The following EPB41L1 variants were observed in gnomAD, a reference collection of about 807,000 sequenced individuals.
The protein encoded by EPB41L1 is band 4.1-like protein 1.
EPB41L1 carries 29 observed loss-of-function variants against 97.8 expected under a neutral mutation model. That is an observed-to-expected ratio of 0.30 (90% CI 0.22 to 0.40). EPB41L1 has a LOEUF of 0.40. EPB41L1 is among the 10% of genes least tolerant of loss of function. The pLI, the probability that EPB41L1 is intolerant of heterozygous loss-of-function variation, is 1.00. For missense variants in EPB41L1, 812 were observed against 1,162.3 expected, an observed-to-expected ratio of 0.70 and a Z score of 4.38; for synonymous variants, 383 against 459.2, an observed-to-expected ratio of 0.83 and a Z score of 2.12.
intron 5 of EPB41L1, 102 bp from the exon 6 acceptor site, chr20:36,182,170 T>A (rs556313282): frequency 5.0e-6 from 5 of 990,688 alleles, no homozygotes; most frequent in Admixed American, 1.8e-5. Flanking sequence ...GTCCTGAGAT[T>A]ATACATAGGA....
chr20:36,110,885 A>T (rs1243283406), intron 1 of EPB41L1: 1 of 152,220 alleles, frequency 6.6e-6, no homozygotes, highest in Non-Finnish European at 1.5e-5. Flanking sequence ...GAAAAGCAGG[A>T]ACGGGAATGG....
Position 36,207,115 on chromosome 20 carries a change from C to T in EPB41L1, c.1669-2373C>T. The T allele has an allele frequency of 7.8e-7, 1 of 1,289,426 alleles. No individual in the cohort carries two copies. Among genetic ancestry groups the T allele is most frequent in the Non-Finnish European group, 1.0e-6 (1 of 988,540 alleles). 79.9% of individuals were successfully genotyped at this position (1,289,426 alleles called of 1,614,324 possible). A position where few individuals can be genotyped will look rare whatever the true frequency, so the allele number is the denominator to read the frequency against. ...AGCCTCCCCTGGTCATTCTGAGGAC[C>T]TGGCAGCTCTGGAGGAAGCTTCTCC... On this transcript the variant is annotated intron_variant, in intron 14 of 21. Coordinates refer to ENST00000338074, the MANE Select transcript of EPB41L1 (RefSeq NM_012156.2). The surrounding 1 kb of genome is among the most constrained non-coding windows in gnomAD (Gnocchi z 4.9).
chr20:36,098,918 T>C (rs2057920008), intron 1 of EPB41L1, among the ~76,000 whole-genome samples: 1 of 152,168 alleles, frequency 6.6e-6, no homozygotes, highest in Non-Finnish European at 1.5e-5. Flanking sequence ...CAGATTTGTA[T>C]TTCAAATTTG....
intron 2 of EPB41L1, among the ~76,000 whole-genome samples, chr20:36,126,368 T>C (rs1367467005): frequency 1.3e-5 from 2 of 151,550 alleles, no homozygotes; most frequent in Non-Finnish European, 2.9e-5. Context: ...GTGGAATTTT[T>C]TTTTTTTTTT....
chr20:36,130,212 G>T (rs1426738354), intron 2 of EPB41L1, among the ~76,000 whole-genome samples: 1 of 151,794 alleles, frequency 6.6e-6, no homozygotes, highest in Admixed American at 6.6e-5. Context: ...AAAATGCTGG[G>T]ATTACAGGCA....
rs75532537 is a variant in EPB41L1 at position 36,100,768 on chromosome 20, A to C, written c.-65+9156A>C. Among the ~76,000 whole-genome samples the C allele has an allele frequency of 3.3e-5, 5 of 152,240 alleles. No individual in the cohort carries two copies. The East Asian group carries it at 9.7e-4, about 29-fold the overall frequency. ...TTTAGGTGTCCACAGAGGGGCATGCATTTGCTCAAATTCAGAGAACAAATT... is the reference window on the plus strand; with the variant it reads ...TTTAGGTGTCCACAGAGGGGCATGCCTTTGCTCAAATTCAGAGAACAAATT... On this transcript the variant is annotated intron_variant, in intron 1 of 19. Coordinates refer to the EPB41L1 transcript ENST00000202028.
At chr20:36,108,724 A>T (rs1249991916) in intron 1 of EPB41L1, among the ~76,000 whole-genome samples, 2 of 152,198 alleles carry the variant, frequency 1.3e-5, no homozygotes, top group Non-Finnish European at 2.9e-5. Flanking sequence ...TAAATTACAT[A>T]TGTGGCTCGC....
rs2063029803 is a variant in EPB41L1 at position 36,209,793 on chromosome 20, C to A, written c.1974C>A (p.Ser658=). The A allele has an allele frequency of 6.2e-7, 1 of 1,613,974 alleles. No homozygotes were observed. The change falls in exon 15 of 22, where the codon TCC becomes TCA. Residue 658 remains serine (S), a synonymous_variant. Transcript: ENST00000338074. The surrounding 1 kb of genome is among the most constrained non-coding windows in gnomAD (Gnocchi z 4.2). ...SDSDTEGLLF[S]RDLNKGAPSQ... is the part of the protein sequence containing the mutation. ...CGGACACTGAGGGCCTGCTGTTCTC[C>A]CGGGATCTCAACAAGGGGGCCCCCA...
chr20:36,173,676 GTC>G (rs1335099563), intron 1 of EPB41L1, 86 bp from the exon 2 acceptor site: 5 of 1,221,958 alleles, frequency 4.1e-6, no homozygotes, highest in Admixed American at 1.7e-5. Context: ...GCCTCCATCT[GTC>G]TCTCTCCGCG....
intron 2 of EPB41L1, among the ~76,000 whole-genome samples, chr20:36,145,126 T>C (rs926870343): frequency 6.6e-6 from 1 of 152,114 alleles, no homozygotes; most frequent in Non-Finnish European, 1.5e-5. Flanking sequence ...GCCTGAGGAT[T>C]TGTGTACTTA....
At chr20:36,228,626 G>A (rs1028228503) in intron 21 of EPB41L1, among the ~76,000 whole-genome samples, 1 of 152,186 alleles carries the variant, frequency 6.6e-6, no homozygotes, top group Non-Finnish European at 1.5e-5. Context: ...CAAGATTACA[G>A]AGCTAGCAGG....
intron 3 of EPB41L1, among the ~76,000 whole-genome samples, chr20:36,177,285 G>T (rs187339175): frequency 6.6e-6 from 1 of 152,188 alleles, no homozygotes; most frequent in Non-Finnish European, 1.5e-5. Context: ...GCCCAGTCGG[G>T]TTCTCGGCTT....
chr20:36,147,640 G>T (rs1204761716), intron 2 of EPB41L1, among the ~76,000 whole-genome samples: 1 of 152,242 alleles, frequency 6.6e-6, no homozygotes, highest in Non-Finnish European at 1.5e-5. Context: ...TAGGCACAGT[G>T]CCAGCACATA....
At chr20:36,176,432 C>T (rs969074543) in intron 3 of EPB41L1, among the ~76,000 whole-genome samples, 8 of 152,134 alleles carry the variant, frequency 5.3e-5, no homozygotes, top group Non-Finnish European at 1.0e-4. Context: ...AGGCAGCATT[C>T]GTGGCCCTTC....
intron 1 of EPB41L1, among the ~76,000 whole-genome samples, chr20:36,167,748 T>C (rs2060800432): frequency 6.6e-6 from 1 of 151,144 alleles, no homozygotes. Context: ...TAATAATAAA[T>C]AATAAATAAA....
chr20:36,188,756 G>T (rs2061808424), intron 9 of EPB41L1, among the ~76,000 whole-genome samples: 1 of 151,624 alleles, frequency 6.6e-6, no homozygotes, highest in Non-Finnish European at 1.5e-5. Flanking sequence ...GAGGAAGGTG[G>T]ATCACATGAG....
At chr20:36,152,716 A>T (rs531924455), upstream of EPB41L1, 59 of 304,606 alleles carry the variant, frequency 1.9e-4, no homozygotes, top group African/African-American at 1.2e-3. Context: ...CATTCATTTA[A>T]ATAAATGTGT....
Position 36,209,872 on chromosome 20 carries a change from T to C in EPB41L1, c.2053T>C (p.Ser685Pro), listed in dbSNP as rs777463120. ...IEDSPDRGAC[S>P]TPDMPQFEPV... ...GGACAGCCCGGATCGAGGGGCCTGC[T>C]CCACCCCGGATATGCCCCAGTTTGA... Residue 685 changes from serine (S) to proline (P), a missense_variant, in exon 15 of 22, where the codon TCC (serine) becomes CCC (proline). Physicochemically the swap from Ser to Pro is moderately conservative, Grantham distance 74. Transcript: ENST00000338074. The surrounding 1 kb of genome is among the most constrained non-coding windows in gnomAD (Gnocchi z 4.2). 1 of 1,613,430 alleles carries C rather than the reference T, an allele frequency of 6.2e-7. No individual in the cohort carries two copies. Among genetic ancestry groups the C allele is most frequent in the Non-Finnish European group, 8.5e-7 (1 of 1,180,004 alleles).
At chr20:36,113,630 A>ACC (rs944272819) in intron 2 of EPB41L1, 4 of 152,500 alleles carry the variant, frequency 2.6e-5, no homozygotes, top group African/African-American at 9.7e-5. Flanking sequence ...GCTCCTTCCT[A>ACC]CAGGGGCCCC....
Sources: allele counts gnomAD v4.1 joint callset (sites outside exome capture counted in the v4.1 genomes callset), GRCh38; gene constraint gnomAD v4.1.1; non-coding constraint Gnocchi (gnomAD v3.1); transcripts MANE v1.5; gene names NCBI Gene and HGNC (gene_info 2026-07-23, HGNC 2026-07-21).